FER: variants seen among roughly 807,000 people sequenced by gnomAD.
The protein encoded by FER is FER tyrosine kinase, also known as tyrosine-protein kinase Fer.
A neutral mutation model predicts 111.0 loss-of-function variants in FER; 63 were observed. The ratio of observed to expected loss-of-function variants is 0.57; its 90% confidence interval spans 0.46 to 0.70. FER has a LOEUF of 0.70. FER is among the 30% of genes least tolerant of loss of function. FER has a pLI of 0.00. For missense variants in FER, 914 were observed against 954.0 expected, an observed-to-expected ratio of 0.96 and a Z score of 0.55; for synonymous variants, 327 against 313.9, an observed-to-expected ratio of 1.04 and a Z score of -0.44.
At chr5:108,826,282 C>T (rs867744764) in intron 3 of FER, among the ~76,000 whole-genome samples, 17 of 152,118 alleles carry the variant, frequency 1.1e-4, no homozygotes, top group African/African-American at 4.1e-4. Context: ...GGGATAAATC[C>T]CACTTGCCCA....
chr5:108,833,941 T>C lies in FER; in HGVS notation c.381+998T>C, dbSNP rs57583757. 6.2e-3 allele frequency among the ~76,000 whole-genome samples: 950 copies of C among 152,234 alleles called. 12 individuals are homozygous for C. Among genetic ancestry groups the C allele is most frequent in the African/African-American group, 0.022 (900 of 41,544 alleles). Reference sequence around the variant, plus strand: ...TAAAAATAATAATTCCTTCATGTTATCGAATACTTTTTGTTGAAATGCTTG... The same window carrying C: ...TAAAAATAATAATTCCTTCATGTTACCGAATACTTTTTGTTGAAATGCTTG... On this transcript the variant is annotated intron_variant, in intron 4 of 19. Coordinates refer to ENST00000281092, the MANE Select transcript of FER (RefSeq NM_005246.4).
chr5:109,030,402 A>G (rs539407677), intron 13 of FER, among the ~76,000 whole-genome samples: 33 of 152,310 alleles, frequency 2.2e-4, no homozygotes, highest in African/African-American at 7.7e-4. Flanking sequence ...CATATAATCT[A>G]TTATGTTAGG....
chr5:108,980,345 A>T (rs1761892126), intron 13 of FER, among the ~76,000 whole-genome samples: 1 of 152,136 alleles, frequency 6.6e-6, no homozygotes. Context: ...TTAGAAAAAG[A>T]GGAAGGCCAT....
intron 13 of FER, among the ~76,000 whole-genome samples, chr5:109,033,752 A>C (rs923146698): frequency 1.3e-5 from 2 of 152,052 alleles, no homozygotes; most frequent in Admixed American, 6.6e-5. Flanking sequence ...CTATCCACAA[A>C]TTCTGATCAA....
chr5:108,777,961 A>G (rs1314610517), intron 2 of FER, among the ~76,000 whole-genome samples: 3 of 152,206 alleles, frequency 2.0e-5, no homozygotes, highest in African/African-American at 4.8e-5. Context: ...GAGCTACAAG[A>G]TGAGATTTGG....
At chr5:108,894,717 G>A (rs115871572) in intron 9 of FER, 9,001 of 209,576 alleles carry the variant, frequency 0.043, 309 homozygotes, top group South Asian at 0.1. Flanking sequence ...TGCCTGGGGA[G>A]GCCTCACAAT....
intron 17 of FER, among the ~76,000 whole-genome samples, chr5:109,164,976 G>C (rs923456828): frequency 6.6e-6 from 1 of 151,936 alleles, no homozygotes; most frequent in African/African-American, 2.4e-5. Flanking sequence ...CCCTTTTGTA[G>C]ATTCCCTTTT....
intron 17 of FER, among the ~76,000 whole-genome samples, chr5:109,138,580 C>T (rs1262108947): frequency 1.3e-5 from 2 of 152,090 alleles, no homozygotes; most frequent in Non-Finnish European, 1.5e-5. Context: ...AGTTACTCTC[C>T]CCAACCCCTT....
chr5:108,853,111 A>G (rs1762687604), intron 5 of FER, among the ~76,000 whole-genome samples: 1 of 152,186 alleles, frequency 6.6e-6, no homozygotes, highest in Non-Finnish European at 1.5e-5. Flanking sequence ...TAAAAAGATG[A>G]TATAAATATC....
At chr5:109,107,574 A>C (rs1326253521) in intron 17 of FER, among the ~76,000 whole-genome samples, 2 of 152,180 alleles carry the variant, frequency 1.3e-5, no homozygotes, top group East Asian at 3.9e-4. Context: ...ATAAGTGAGA[A>C]TATGCAATAT....
chr5:109,144,220 GT>G (rs1471823150), intron 17 of FER, among the ~76,000 whole-genome samples: 1 of 151,876 alleles, frequency 6.6e-6, no homozygotes, highest in Non-Finnish European at 1.5e-5. Flanking sequence ...TTACCAATAG[GT>G]TTTTTTAAAA....
intron 16 of FER, among the ~76,000 whole-genome samples, chr5:109,083,158 TAATC>T (rs1440470613): frequency 1.3e-5 from 2 of 152,074 alleles, no homozygotes. Flanking sequence ...ATATAGGAAA[TAATC>T]AAGTTCTTAC....
intron 17 of FER, among the ~76,000 whole-genome samples, chr5:109,106,858 T>C (rs1748996642): frequency 6.6e-6 from 1 of 152,174 alleles, no homozygotes; most frequent in Non-Finnish European, 1.5e-5. Flanking sequence ...CATCTTGGCT[T>C]GGGTTAATGT....
Position 108,933,781 on chromosome 5 carries a change from G to A in FER, c.1237-12349G>A, listed in dbSNP as rs192692865. ...TGTTTGTGTCCTCTCTGATTTCCTTGAGCAGTGGTTTGTAGTTCTCCTTGA... is the reference window on the plus strand; with the variant it reads ...TGTTTGTGTCCTCTCTGATTTCCTTAAGCAGTGGTTTGTAGTTCTCCTTGA... On this transcript the variant is annotated intron_variant, in intron 10 of 19. Coordinates refer to ENST00000281092, the MANE Select transcript of FER (RefSeq NM_005246.4). Among the ~76,000 whole-genome samples, 10 of 152,150 alleles carry A rather than the reference G, an allele frequency of 6.6e-5. No individual in the cohort carries two copies. In the East Asian group the frequency reaches 1.7e-3, roughly 26 times the overall value.
intron 17 of FER, among the ~76,000 whole-genome samples, chr5:109,158,560 A>G (rs1755654922): frequency 6.6e-6 from 1 of 152,080 alleles, no homozygotes; most frequent in African/African-American, 2.4e-5. Flanking sequence ...TCAATCTACC[A>G]TTTACTTTTG....
In FER at chr5:109,189,669, T is replaced by G. The variant is rs1759236137; in HGVS notation, c.*2094T>G. On this transcript the variant is annotated 3_prime_UTR_variant, in exon 20 of 20. Coordinates refer to ENST00000281092, the MANE Select transcript of FER (RefSeq NM_005246.4). ...TATTCCTACCCTTTTTTTTAGTATTTCTAAGTGAATCTCTGTAATATTCTT... is the reference window on the plus strand; with the variant it reads ...TATTCCTACCCTTTTTTTTAGTATTGCTAAGTGAATCTCTGTAATATTCTT... 6.6e-6 allele frequency: 1 copy of G among 152,174 alleles called. No homozygotes were observed. The highest frequency in any genetic ancestry group is 1.5e-5 in the Non-Finnish European group (1 of 68,020). 9.4% of individuals were successfully genotyped at this position (152,174 alleles called of 1,614,324 possible). A position where few individuals can be genotyped will look rare whatever the true frequency, so the allele number is the denominator to read the frequency against.
At chr5:109,016,734 A>T (rs1767185215) in intron 13 of FER, among the ~76,000 whole-genome samples, 1 of 152,088 alleles carries the variant, frequency 6.6e-6, no homozygotes, top group African/African-American at 2.4e-5. Flanking sequence ...GAATATATAC[A>T]TATTTTCCAC....
chr5:109,110,452 G>C (rs1273123150), intron 17 of FER, among the ~76,000 whole-genome samples: 1 of 151,984 alleles, frequency 6.6e-6, no homozygotes, highest in East Asian at 1.9e-4. Flanking sequence ...AACAGAGACA[G>C]GGGCATGCTA....
At position 108,948,226 on chromosome 5, in the gene FER, T is replaced by C. The variant is rs138786958; in HGVS notation, c.1329+2004T>C. ...TCTGTTTTTAACAGTATCTTTAAAA[T>C]GTAGAGCTCCCTTTAAAGACAGTCT... On this transcript the variant is annotated intron_variant, in intron 11 of 19. Coordinates refer to ENST00000281092, the MANE Select transcript of FER (RefSeq NM_005246.4). Among the ~76,000 whole-genome samples, 1,106 of 152,212 alleles carry C rather than the reference T, an allele frequency of 7.3e-3. 18 individuals carry two copies. Among genetic ancestry groups the C allele is most frequent in the African/African-American group, 0.026 (1,064 of 41,558 alleles).
Sources: allele counts gnomAD v4.1 joint callset (sites outside exome capture counted in the v4.1 genomes callset), GRCh38; gene constraint gnomAD v4.1.1; transcripts MANE v1.5; gene names NCBI Gene and HGNC (gene_info 2026-07-23, HGNC 2026-07-21).